Variants in CRYL1 observed in about 807,000 individuals in gnomAD.
The protein encoded by CRYL1 is lambda-crystallin homolog.
In CRYL1, 29 loss-of-function variants were observed where a neutral mutation model predicts 36.6. The observed-to-expected ratio is 0.79, with a 90% CI of 0.59 to 1.08. The LOEUF (loss-of-function observed/expected upper bound fraction) is 1.08, where lower values mean the gene tolerates loss of function less well. CRYL1 is among the 50% of genes least tolerant of loss of function. CRYL1 has a pLI of 0.00. For missense variants in CRYL1, 411 were observed against 407.9 expected (o/e 1.01, Z -0.06); for synonymous variants, 152 against 151.5 (o/e 1.00, Z -0.02).
chr13:20,492,504 T>C (rs1022330355), intron 2 of CRYL1, among the ~76,000 whole-genome samples: 3 of 152,164 alleles, frequency 2.0e-5, no homozygotes, highest in Admixed American at 1.3e-4. Flanking sequence ...AATGCATTCC[T>C]GGCCTGTCTC....
chr13:20,451,786 T>C (rs550530122), intron 3 of CRYL1, among the ~76,000 whole-genome samples: 1 of 152,212 alleles, frequency 6.6e-6, no homozygotes, highest in Non-Finnish European at 1.5e-5. Flanking sequence ...TTACTGGGTA[T>C]CCAAAAGAAA....
rs2032205648 is a variant in CRYL1 at position 20,435,957 on chromosome 13, C to T, written c.438+3636G>A. ...CTCGGCGGCGCGCTCGCAGGGAGGG[C>T]TCAAAGGCAGCTCGGAGCGGCCGCA... On this transcript the variant is annotated intron_variant, in intron 4 of 7. Coordinates refer to ENST00000298248, the MANE Select transcript of CRYL1 (RefSeq NM_015974.3). The surrounding 1 kb of genome is among the most constrained non-coding windows in gnomAD (Gnocchi z 4.0). 6.6e-6 allele frequency among the ~76,000 whole-genome samples: 1 copy of T among 152,212 alleles called. No homozygotes were observed. Among genetic ancestry groups the T allele is most frequent in the South Asian group, 2.1e-4 (1 of 4,826 alleles).
intron 2 of CRYL1, among the ~76,000 whole-genome samples, chr13:20,491,445 G>T (rs962078212): frequency 6.6e-5 from 10 of 152,156 alleles, no homozygotes; most frequent in Non-Finnish European, 1.3e-4. Flanking sequence ...TCCCCAGTGA[G>T]CAGGCATTTT....
At chr13:20,440,135 C>T (rs185284013) in intron 3 of CRYL1, among the ~76,000 whole-genome samples, 7 of 152,332 alleles carry the variant, frequency 4.6e-5, no homozygotes, top group Admixed American at 2.0e-4. Context: ...CCAGCTAGAT[C>T]GTACCCCTTT....
At chr13:20,420,519 A>G (rs1019087301) in intron 5 of CRYL1, among the ~76,000 whole-genome samples, 2 of 29,532 alleles carry the variant, frequency 6.8e-5, no homozygotes, top group African/African-American at 8.6e-5. Context: ...GATTGGATTT[A>G]AAAGAAAAAA....
chr13:20,512,295 G>A, intron 2 of CRYL1, 148 bp downstream of exon 2: 1 of 591,856 alleles, frequency 1.7e-6, no homozygotes, highest in Non-Finnish European at 3.0e-6. Flanking sequence ...CTGTAGGCCT[G>A]GCCTTTACCA....
At chr13:20,446,978 G>A (rs1215670864) in intron 3 of CRYL1, among the ~76,000 whole-genome samples, 4 of 152,178 alleles carry the variant, frequency 2.6e-5, no homozygotes, top group African/African-American at 4.8e-5. Context: ...AATTATTTAA[G>A]TTTATACATA....
At chr13:20,431,340 C>T (rs2032055014) in intron 5 of CRYL1, 2 of 985,308 alleles carry the variant, frequency 2.0e-6, no homozygotes, top group African/African-American at 3.5e-5. Flanking sequence ...ACTTCCGGCC[C>T]TTGAGCCTTC....
At chr13:20,416,084 T>C (rs911614072) in intron 5 of CRYL1, among the ~76,000 whole-genome samples, 1 of 152,172 alleles carries the variant, frequency 6.6e-6, no homozygotes, top group African/African-American at 2.4e-5. Flanking sequence ...GCCTCCAGAA[T>C]TGTGTAGAAG....
chr13:20,509,185 A>C (rs1295853382), intron 2 of CRYL1, among the ~76,000 whole-genome samples: 4 of 148,412 alleles, frequency 2.7e-5, no homozygotes, highest in Admixed American at 1.4e-4. Flanking sequence ...CAAGAGCAAA[A>C]CTCAATCCCC....
chr13:20,408,190 G>A (rs187447654), intron 6 of CRYL1, among the ~76,000 whole-genome samples: 1 of 152,270 alleles, frequency 6.6e-6, no homozygotes, highest in Admixed American at 6.5e-5. Flanking sequence ...CCAGGGTAGG[G>A]GAGGCAGAAC....
chr13:20,525,780 C>T lies in CRYL1; in HGVS notation c.15G>A (p.Ala5=). Reference sequence around the variant, plus strand: ...TGCCAACGATCACCACGCAGCCGGCCGCGGAGGACGCCATGGTTGGGCCGG... The same window carrying T: ...TGCCAACGATCACCACGCAGCCGGCTGCGGAGGACGCCATGGTTGGGCCGG... MASS[A]AGCVVIVGSG... Residue 5 remains alanine (A), a synonymous_variant, in exon 1 of 8, where the codon GCG becomes GCA. Transcript: ENST00000298248. The surrounding 1 kb of genome is among the most constrained non-coding windows in gnomAD (Gnocchi z 4.3). 1 of 1,286,054 alleles carries T rather than the reference C, an allele frequency of 7.8e-7. No individual in the cohort carries two copies. Among genetic ancestry groups the T allele is most frequent in the Non-Finnish European group, 9.8e-7 (1 of 1,015,288 alleles). The allele number at this position is 1,286,054 out of a possible 1,614,324, so 79.7% of individuals were successfully genotyped here.
At chr13:20,448,958 AG>A (rs202193766) in intron 3 of CRYL1, among the ~76,000 whole-genome samples, 6,979 of 152,332 alleles carry the variant, frequency 0.046, 337 homozygotes, top group Admixed American at 0.16. Context: ...ACCTGAGGTC[AG>A]GGGTTCGAGA....
At chr13:20,446,703 A>G (rs2032463322) in intron 3 of CRYL1, among the ~76,000 whole-genome samples, 1 of 151,682 alleles carries the variant, frequency 6.6e-6, no homozygotes, top group Admixed American at 6.7e-5. Flanking sequence ...CCTGTGACTC[A>G]CCTCTAGAAT....
chr13:20,452,164 A>G (rs765475983), intron 3 of CRYL1, among the ~76,000 whole-genome samples: 10 of 151,714 alleles, frequency 6.6e-5, no homozygotes, highest in Non-Finnish European at 1.3e-4. Flanking sequence ...GAGTTGAAAA[A>G]CTATTAGCTA....
chr13:20,417,227 T>C (rs910656305), intron 5 of CRYL1, among the ~76,000 whole-genome samples: 4 of 152,236 alleles, frequency 2.6e-5, no homozygotes, highest in African/African-American at 9.7e-5. Context: ...TGCTTAATTT[T>C]GCCACTGAGC....
intron 3 of CRYL1, among the ~76,000 whole-genome samples, chr13:20,469,348 C>T (rs1391347538): frequency 1.3e-5 from 2 of 152,202 alleles, no homozygotes; most frequent in African/African-American, 4.8e-5. Flanking sequence ...AATCCACAGA[C>T]AAAACAAGCA....
chr13:20,516,444 A>G (rs2033999475), intron 1 of CRYL1, among the ~76,000 whole-genome samples: 1 of 152,036 alleles, frequency 6.6e-6, no homozygotes, highest in African/African-American at 2.4e-5. Context: ...AAGCCTCAGC[A>G]CATGGCTTTG....
chr13:20,440,715 T>C (rs560922043), intron 3 of CRYL1, among the ~76,000 whole-genome samples: 13 of 152,320 alleles, frequency 8.5e-5, no homozygotes, highest in African/African-American at 3.1e-4. Flanking sequence ...GTTACATCCA[T>C]AATTCCCAAA....
Sources: gnomAD v4.1 joint callset for allele counts (sites outside exome capture counted in the v4.1 genomes callset) on GRCh38, gnomAD v4.1.1 for gene constraint, Gnocchi (gnomAD v3.1) non-coding constraint, MANE v1.5 for transcripts, NCBI Gene and HGNC (gene_info 2026-07-23, HGNC 2026-07-21) for gene names.